Variants in NOP9 observed in about 807,000 individuals in gnomAD.
NOP9 encodes the protein NOP9 nucleolar protein.
In NOP9, 50 loss-of-function variants were observed where a neutral mutation model predicts 63.0. That is an observed-to-expected ratio of 0.79 (90% CI 0.63 to 1.00). The LOEUF (loss-of-function observed/expected upper bound fraction) is 1.00. NOP9 is among the 50% of genes least tolerant of loss of function. The pLI is 0.00. For missense variants in NOP9, 758 were observed against 803.0 expected (o/e 0.94, Z 0.68); for synonymous variants, 343 against 332.8 (o/e 1.03, Z -0.33).
rs2041573642 is a variant in NOP9 at position 24,308,001 on chromosome 14, C to T, written c.*2906C>T. ...ATGAGTCAAGCCTGGACTCTGGCCC[C>T]CCTGCCTGGCCAGTAAGAAGGGCAA... On this transcript the variant is annotated 3_prime_UTR_variant, in exon 10 of 10. Transcript: ENST00000267425. 1 of 743,884 alleles carries T rather than the reference C, an allele frequency of 1.3e-6. No individual in the cohort carries two copies. The highest frequency in any genetic ancestry group is 2.3e-6 in the Non-Finnish European group (1 of 429,452). 46.1% of individuals were successfully genotyped at this position (743,884 alleles called of 1,614,324 possible). A position where few individuals can be genotyped will look rare whatever the true frequency, so the allele number is the denominator to read the frequency against.
chr14:24,296,442 G>A (rs1438658319), upstream of NOP9: 13 of 1,497,696 alleles, frequency 8.7e-6, no homozygotes, highest in Non-Finnish European at 1.2e-5. Context: ...GGCATGTAAG[G>A]AAAGGCCTGG....
chr14:24,281,907 A>G, the NOP9 span, among the ~76,000 whole-genome samples: 1 of 152,216 alleles, frequency 6.6e-6, no homozygotes. Flanking sequence ...GAAGGCCTCC[A>G]AAGTCAAAAC....
At chr14:24,302,641 G>A (rs928120338) in intron 5 of NOP9, among the ~76,000 whole-genome samples, 1 of 152,200 alleles carries the variant, frequency 6.6e-6, no homozygotes, top group East Asian at 1.9e-4. Flanking sequence ...GCAAGAAACT[G>A]GCTTTATTCA....
chr14:24,305,666 C>A lies in NOP9; in HGVS notation c.*571C>A. 6.2e-7 allele frequency: 1 copy of A among 1,614,122 alleles called. No individual in the cohort carries two copies. The highest frequency in any genetic ancestry group is 1.1e-5 in the South Asian group (1 of 91,072). On this transcript the variant is annotated 3_prime_UTR_variant, in exon 10 of 10. Coordinates refer to ENST00000267425, the MANE Select transcript of NOP9 (RefSeq NM_174913.3). ...AATGGAGGCGGCCCTTCTGCTGCCA[C>A]TGCTCAGCCCCCTCCACTGCATGAC...
the NOP9 span, chr14:24,292,625 T>C: frequency 1.2e-5 from 20 of 1,614,218 alleles, no homozygotes; most frequent in Non-Finnish European, 1.7e-5. Context: ...TTTTACCTCC[T>C]CAGCTCCTAT....
At chr14:24,300,384 A>G in intron 1 of NOP9, 24 bp from the exon 2 acceptor site, 2 of 1,599,140 alleles carry the variant, frequency 1.3e-6, no homozygotes, top group Non-Finnish European at 1.7e-6. Context: ...GTCTCTTCAA[A>G]GTGTGTCTTT....
the NOP9 span, chr14:24,290,842 G>C: frequency 6.2e-7 from 1 of 1,613,522 alleles, no homozygotes; most frequent in Non-Finnish European, 8.5e-7. Flanking sequence ...CAGAGACGTA[G>C]TGTCAGACCA....
the NOP9 span, among the ~76,000 whole-genome samples, chr14:24,281,215 G>T: frequency 6.6e-6 from 1 of 152,200 alleles, no homozygotes; most frequent in Admixed American, 6.5e-5. Flanking sequence ...GGGTTTTGAG[G>T]CTGAGGTGTG....
rs2041600592 is a variant in NOP9 at position 24,308,857 on chromosome 14, A to G, written c.*3762A>G. On this transcript the variant is annotated 3_prime_UTR_variant, in exon 10 of 10. Coordinates refer to ENST00000267425, the MANE Select transcript of NOP9 (RefSeq NM_174913.3). ...TGACAAAGAAACACAGAGTAACTTGATTGCCCTGTGACCTGGCCAGTTGCA... is the reference window on the plus strand; with the variant it reads ...TGACAAAGAAACACAGAGTAACTTGGTTGCCCTGTGACCTGGCCAGTTGCA... 1 of 152,182 alleles carries G rather than the reference A, an allele frequency of 6.6e-6. No homozygotes were observed. The highest frequency in any genetic ancestry group is 1.5e-5 in the Non-Finnish European group (1 of 68,036). 9.4% of individuals were successfully genotyped at this position (152,182 alleles called of 1,614,324 possible).
chr14:24,294,850 G>A (rs1190348864), upstream of NOP9, among the ~76,000 whole-genome samples: 2 of 152,092 alleles, frequency 1.3e-5, no homozygotes, highest in Non-Finnish European at 2.9e-5. Context: ...ATATATTTTC[G>A]GCTTATTATA....
chr14:24,301,000 T>C, intron 2 of NOP9, 143 bp downstream of exon 2: 1 of 693,336 alleles, frequency 1.4e-6, no homozygotes, highest in South Asian at 1.9e-5. Flanking sequence ...TGAACAGGGC[T>C]TAGCAAGCCA....
At position 24,299,875 on chromosome 14, in the gene NOP9, A is replaced by G. The variant is rs1217505642; in HGVS notation, c.-80A>G. 17 of 1,471,422 alleles carry G rather than the reference A, an allele frequency of 1.2e-5. No individual in the cohort carries two copies. The highest frequency in any genetic ancestry group is 2.8e-5 in the African/African-American group (2 of 70,926). 91.1% of individuals were successfully genotyped at this position (1,471,422 alleles called of 1,614,324 possible). On this transcript the variant is annotated 5_prime_UTR_variant, in exon 1 of 10. Transcript: ENST00000267425. ...GCCCGCGTTTCTAAACTTTGTCTGGATAAGGCGCACGCTTGGCGACGTCGA... is the reference window on the plus strand; with the variant it reads ...GCCCGCGTTTCTAAACTTTGTCTGGGTAAGGCGCACGCTTGGCGACGTCGA...
intron 9 of NOP9, 56 bp from the exon 10 acceptor site, chr14:24,304,882 A>G: frequency 6.8e-7 from 1 of 1,480,256 alleles, no homozygotes; most frequent in Non-Finnish European, 9.0e-7. Flanking sequence ...TCTTTACGTC[A>G]AGTAGAGTCT....
chr14:24,304,940 G>A lies in NOP9; in HGVS notation c.1756G>A (p.Glu586Lys). 16 of 1,531,784 alleles carry A rather than the reference G, an allele frequency of 1.0e-5. No individual in the cohort carries two copies. Among genetic ancestry groups the A allele is most frequent in the Non-Finnish European group, 1.4e-5 (16 of 1,141,928 alleles). The allele number at this position is 1,531,784 out of a possible 1,614,324, so 94.9% of individuals were successfully genotyped here. A position where few individuals can be genotyped will look rare whatever the true frequency, so the allele number is the denominator to read the frequency against. Residue 586 changes from glutamate to lysine, a missense_variant and splice_region_variant, in exon 10 of 10, where the codon GAG becomes AAG. Physicochemically the swap from Glu to Lys is moderately conservative, Grantham distance 56 (BLOSUM62 1). Transcript: ENST00000267425. ...ARKEIAAELG[E>K]QNQELIRDPF... ...AACATGAGTGGTTCCCTTTGCAGGG[G>A]AGCAGAACCAGGAGCTGATAAGAGA...
Position 24,302,000 on chromosome 14 carries a change from C to A in NOP9, c.844C>A (p.Gln282Lys), listed in dbSNP as rs753695067. The change falls in exon 4 of 10, where the codon CAA becomes AAA. Residue 282 changes from glutamine (Q) to lysine (K), a missense_variant. By Grantham distance (53) the Gln-to-Lys change is moderately conservative. Coordinates refer to ENST00000267425, the MANE Select transcript of NOP9 (RefSeq NM_174913.3). ...ITDKISSFCLQVALQVLHRKL... is the reference protein window; with the variant it reads ...ITDKISSFCLKVALQVLHRKL... ...TGATAAGATCTCCAGCTTCTGTCTT[C>A]AAGTGGCTTTACAGGTTTTACACCG... 7 of 1,614,008 alleles carry A rather than the reference C, an allele frequency of 4.3e-6. No individual in the cohort carries two copies. In the African/African-American group the frequency reaches 9.3e-5, roughly 22 times the overall value.
the NOP9 span, among the ~76,000 whole-genome samples, chr14:24,287,644 G>T: frequency 6.6e-6 from 1 of 152,148 alleles, no homozygotes; most frequent in Non-Finnish European, 1.5e-5. Context: ...ACTTCTAGCT[G>T]TTCTGCTACT....
rs148872765 is a variant in NOP9 at position 24,306,420 on chromosome 14, G to C, written c.*1325G>C. On this transcript the variant is annotated 3_prime_UTR_variant, in exon 10 of 10. Coordinates refer to ENST00000267425, the MANE Select transcript of NOP9 (RefSeq NM_174913.3). ...ACCAGACTGCAACACCATCAGGCAC[G>C]TGTCATCCTCCAGCAGCTGGAAGAA... is the stretch of plus-strand genomic sequence containing the variant. The C allele has an allele frequency of 8.7e-6, 14 of 1,614,100 alleles. No homozygotes were observed. The highest frequency in any genetic ancestry group is 1.6e-4 in the Middle Eastern group (1 of 6,082).
chr14:24,286,041 C>G, the NOP9 span, among the ~76,000 whole-genome samples: 4 of 152,152 alleles, frequency 2.6e-5, no homozygotes, highest in Admixed American at 6.5e-5. Context: ...TCCCTGGGCT[C>G]CTTTGAGGAA....
At chr14:24,273,176 ATTTT>A in the NOP9 span, among the ~76,000 whole-genome samples, 294 of 137,836 alleles carry the variant, frequency 2.1e-3, 1 homozygote, top group Non-Finnish European at 3.3e-3. Flanking sequence ...AGTGCTTTAA[ATTTT>A]TTTTTTTTTT....
Sources: gnomAD v4.1 joint callset for allele counts (sites outside exome capture counted in the v4.1 genomes callset) on GRCh38, gnomAD v4.1.1 for gene constraint, MANE v1.5 for transcripts, NCBI Gene and HGNC (gene_info 2026-07-23, HGNC 2026-07-21) for gene names.